Variants in RAB31 observed in about 807,000 individuals in gnomAD.
RAB31 encodes the protein ras-related protein Rab-31.
In RAB31, 21 loss-of-function variants were observed where a neutral mutation model predicts 25.6. The ratio of observed to expected loss-of-function variants is 0.82; its 90% CI spans 0.58 to 1.18. RAB31 has a LOEUF of 1.18. RAB31 is among the 50% of genes most tolerant of loss of function. RAB31 has a pLI of 0.00. For missense variants in RAB31, 196 were observed against 250.1 expected (o/e 0.78, Z 1.46); for synonymous variants, 87 against 84.0 (o/e 1.04, Z -0.20).
At chr18:9,784,555 ATT>A (rs370039104) in intron 2 of RAB31, among the ~76,000 whole-genome samples, 6 of 142,020 alleles carry the variant, frequency 4.2e-5, no homozygotes, top group African/African-American at 5.2e-5. Context: ...ATTTTAGGTG[ATT>A]TTTTTTTTTT....
At chr18:9,709,010 G>A (rs1208872561) in intron 1 of RAB31, among the ~76,000 whole-genome samples, 1 of 152,204 alleles carries the variant, frequency 6.6e-6, no homozygotes, top group Non-Finnish European at 1.5e-5. Context: ...AGCCAAGGGG[G>A]TGAAAGCCGA....
chr18:9,751,604 G>T (rs2068235384), intron 1 of RAB31, among the ~76,000 whole-genome samples: 2 of 152,182 alleles, frequency 1.3e-5, no homozygotes, highest in African/African-American at 4.8e-5. Context: ...TTCTAGGTAG[G>T]AGACATCATT....
At chr18:9,760,793 C>G (rs1395042101) in intron 1 of RAB31, among the ~76,000 whole-genome samples, 1 of 152,166 alleles carries the variant, frequency 6.6e-6, no homozygotes, top group Non-Finnish European at 1.5e-5. Context: ...ATGGGAGGAA[C>G]TGAAACAGCC....
At chr18:9,765,079 T>C (rs879736496) in intron 1 of RAB31, among the ~76,000 whole-genome samples, 2 of 151,944 alleles carry the variant, frequency 1.3e-5, no homozygotes, top group Non-Finnish European at 1.5e-5. Flanking sequence ...CAGCCTCCCA[T>C]GTAGCTGGAA....
intron 3 of RAB31, among the ~76,000 whole-genome samples, chr18:9,795,809 G>T (rs1386737580): frequency 6.6e-6 from 1 of 152,198 alleles, no homozygotes; most frequent in African/African-American, 2.4e-5. Flanking sequence ...TATAACCACT[G>T]TGGAAAACAG....
rs374081823 is a variant in RAB31 at position 9,791,926 on chromosome 18, C to CTTTGT, written c.120-210_120-206dup. Among the ~76,000 whole-genome samples the CTTTGT allele has an allele frequency of 4.3e-3, 649 of 151,886 alleles. 7 individuals are homozygous for CTTTGT. Among genetic ancestry groups the CTTTGT allele is most frequent in the African/African-American group, 0.015 (620 of 41,504 alleles). ...CCAGAAACAGTCTTTTGAATGCCTC[C>CTTTGT]TTTGTTTTGTTTTGTTTTGTTTCAA... On this transcript the variant is annotated intron_variant, in intron 2 of 6. Coordinates refer to ENST00000578921, the MANE Select transcript of RAB31 (RefSeq NM_006868.4).
Position 9,814,005 on chromosome 18 carries a change from A to G in RAB31, c.202-15A>G. 6.4e-7 allele frequency: 1 copy of G among 1,554,708 alleles called. No homozygotes were observed. Among genetic ancestry groups the G allele is most frequent in the Non-Finnish European group, 8.8e-7 (1 of 1,137,926 alleles). On this transcript the variant is annotated splice_polypyrimidine_tract_variant and intron_variant, in intron 3 of 6. Coordinates refer to ENST00000578921, the MANE Select transcript of RAB31 (RefSeq NM_006868.4). ...TGTTCACTTTGGCCTAAAACTGTTC[A>G]TTGTTCTTAAACAGTTTCATTCATT... is the stretch of plus-strand genomic sequence containing the variant.
At chr18:9,724,054 A>G (rs1179212194) in intron 1 of RAB31, among the ~76,000 whole-genome samples, 7 of 152,012 alleles carry the variant, frequency 4.6e-5, no homozygotes, top group East Asian at 1.9e-4. Flanking sequence ...GGCAGATCAC[A>G]AGGTCAGGAG....
At chr18:9,827,107 C>G (rs769802472) in intron 5 of RAB31, among the ~76,000 whole-genome samples, 1 of 152,062 alleles carries the variant, frequency 6.6e-6, no homozygotes, top group African/African-American at 2.4e-5. Context: ...TCCCCTTTGA[C>G]TCTTCCCAAT....
intron 4 of RAB31, 182 bp from the exon 5 acceptor site, chr18:9,814,934 G>A: frequency 2.2e-6 from 1 of 455,432 alleles, no homozygotes; most frequent in Non-Finnish European, 3.9e-6. Flanking sequence ...ACTTGATATG[G>A]TCTATTTAAG....
chr18:9,709,698 TG>T (rs2068006620), intron 1 of RAB31, among the ~76,000 whole-genome samples: 1 of 152,184 alleles, frequency 6.6e-6, no homozygotes, highest in African/African-American at 2.4e-5. Flanking sequence ...CTGCCCTCCC[TG>T]CTAGCCCCTG....
At chr18:9,820,240 G>A (rs2068618154) in intron 5 of RAB31, among the ~76,000 whole-genome samples, 1 of 151,952 alleles carries the variant, frequency 6.6e-6, no homozygotes, top group South Asian at 2.1e-4. Flanking sequence ...TTTGTTGAAG[G>A]CTTTTTGTCA....
intron 1 of RAB31, among the ~76,000 whole-genome samples, chr18:9,741,753 T>C (rs1338661989): frequency 1.3e-5 from 2 of 152,196 alleles, no homozygotes; most frequent in Admixed American, 6.5e-5. Context: ...TCAGGGGCCG[T>C]TGACTTTTCA....
At chr18:9,798,169 G>T (rs77401463) in intron 3 of RAB31, among the ~76,000 whole-genome samples, 3 of 152,166 alleles carry the variant, frequency 2.0e-5, no homozygotes, top group Non-Finnish European at 4.4e-5. Context: ...TTGGGATAAC[G>T]ATTTCAAAGT....
chr18:9,778,481 G>A (rs1322200143), intron 2 of RAB31, among the ~76,000 whole-genome samples: 3 of 152,046 alleles, frequency 2.0e-5, no homozygotes, highest in African/African-American at 4.8e-5. Flanking sequence ...TTTTTGAGAC[G>A]GTACTTGGCT....
intron 1 of RAB31, among the ~76,000 whole-genome samples, chr18:9,767,076 A>G (rs1599030230): frequency 6.6e-6 from 1 of 152,264 alleles, no homozygotes; most frequent in African/African-American, 2.4e-5. Flanking sequence ...AATCCTTCTC[A>G]TACAGATTAT....
intron 2 of RAB31, among the ~76,000 whole-genome samples, chr18:9,788,010 T>C (rs2068442458): frequency 6.6e-6 from 1 of 152,256 alleles, no homozygotes; most frequent in Non-Finnish European, 1.5e-5. Context: ...ACTCATGACA[T>C]GATATCTATC....
rs2068000311 is a variant in RAB31 at position 9,708,796 on chromosome 18, C to A, written c.39+352C>A. ...CCTCCCGGCCCGCGAGTCCCCGGAT[C>A]CGCGGCGACCTCGCGGGGACCCCCA... On this transcript the variant is annotated intron_variant, in intron 1 of 6. Coordinates refer to ENST00000578921, the MANE Select transcript of RAB31 (RefSeq NM_006868.4). The surrounding 1 kb of genome is among the most constrained non-coding windows in gnomAD (Gnocchi z 6.4). 6.6e-6 allele frequency among the ~76,000 whole-genome samples: 1 copy of A among 152,172 alleles called. No individual in the cohort carries two copies. The highest frequency in any genetic ancestry group is 2.4e-5 in the African/African-American group (1 of 41,454).
At chr18:9,747,530 A>C (rs905284078) in intron 1 of RAB31, among the ~76,000 whole-genome samples, 2 of 152,252 alleles carry the variant, frequency 1.3e-5, no homozygotes, top group African/African-American at 2.4e-5. Context: ...TCAGCTGTAA[A>C]AATGAATAAA....
Sources: allele counts gnomAD v4.1 joint callset (sites outside exome capture counted in the v4.1 genomes callset), GRCh38; gene constraint gnomAD v4.1.1; non-coding constraint Gnocchi (gnomAD v3.1); transcripts MANE v1.5; gene names NCBI Gene and HGNC (gene_info 2026-07-23, HGNC 2026-07-21).